The following ATL1 variants were observed in gnomAD, a reference collection of about 807,000 sequenced individuals.
ATL1 encodes atlastin GTPase 1.
ATL1 carries 31 observed loss-of-function variants against 75.5 expected under a neutral mutation model. The ratio of observed to expected loss-of-function variants is 0.41; its 90% CI spans 0.31 to 0.55. The LOEUF (loss-of-function observed/expected upper bound fraction) is 0.55. Ranked by LOEUF, ATL1 falls within the 20% of genes least tolerant of loss-of-function variation. The pLI is 0.27. For missense variants in ATL1, 405 were observed against 662.6 expected (o/e 0.61, Z 4.27); for synonymous variants, 226 against 233.3 (o/e 0.97, Z 0.28).
chr14:50,592,929 A>AAAATAT lies in ATL1; in HGVS notation c.523-916_523-915insAATATA, dbSNP rs562590227. ...CTCCCGTCTCAAAAAAAAAAAAAAA[A>AAAATAT]ATATATATATATATATATGTGTGTG... is the stretch of plus-strand genomic sequence containing the variant. On this transcript the variant is annotated intron_variant, in intron 4 of 13. Transcript: ENST00000358385. Among the ~76,000 whole-genome samples the AAAATAT allele has an allele frequency of 9.7e-3, 1,104 of 113,742 alleles. 20 individuals carry two copies. Among genetic ancestry groups the AAAATAT allele is most frequent in the African/African-American group, 0.031 (889 of 28,466 alleles). 74.6% of individuals were successfully genotyped at this position (113,742 alleles called of 152,430 possible). A position where few individuals can be genotyped will look rare whatever the true frequency, so the allele number is the denominator to read the frequency against.
intron 6 of ATL1, among the ~76,000 whole-genome samples, chr14:50,610,539 G>C (rs962647110): frequency 1.3e-5 from 2 of 152,062 alleles, no homozygotes; most frequent in Admixed American, 1.3e-4. Flanking sequence ...AAGAGCTCAG[G>C]TATGGAGAAG....
intron 1 of ATL1, among the ~76,000 whole-genome samples, chr14:50,579,845 G>A (rs2039039920): frequency 6.6e-6 from 1 of 151,994 alleles, no homozygotes; most frequent in African/African-American, 2.4e-5. Context: ...ACAGAAATTG[G>A]CAAATGTCAC....
intron 1 of ATL1, among the ~76,000 whole-genome samples, chr14:50,581,859 A>C (rs1355714235): frequency 6.6e-6 from 1 of 152,212 alleles, no homozygotes; most frequent in Non-Finnish European, 1.5e-5. Context: ...CTGCATATTT[A>C]CTGATTTTTG....
intron 1 of ATL1, among the ~76,000 whole-genome samples, chr14:50,554,313 A>C (rs2038739234): frequency 6.6e-6 from 1 of 152,304 alleles, no homozygotes; most frequent in Non-Finnish European, 1.5e-5. Flanking sequence ...ACGTTTTGCT[A>C]ACAGGCATCA....
upstream of ATL1, among the ~76,000 whole-genome samples, chr14:50,556,256 G>T (rs753053645): frequency 6.6e-6 from 1 of 152,100 alleles, no homozygotes; most frequent in Non-Finnish European, 1.5e-5. Context: ...TTGAGACAGG[G>T]TCTTGCTCTG....
chr14:50,570,051 A>G (rs986668030), intron 1 of ATL1, among the ~76,000 whole-genome samples: 1 of 152,188 alleles, frequency 6.6e-6, no homozygotes, highest in Non-Finnish European at 1.5e-5. Context: ...CATCCTACTT[A>G]GAATTTGCTG....
intron 6 of ATL1, among the ~76,000 whole-genome samples, chr14:50,603,568 C>T (rs554854880): frequency 6.6e-6 from 1 of 152,152 alleles, no homozygotes; most frequent in Non-Finnish European, 1.5e-5. Context: ...CTACACAGGA[C>T]AATTAGGAAT....
At chr14:50,599,343 T>G (rs1333935077) in intron 6 of ATL1, among the ~76,000 whole-genome samples, 1 of 152,080 alleles carries the variant, frequency 6.6e-6, no homozygotes, top group Non-Finnish European at 1.5e-5. Flanking sequence ...GATAATTAGA[T>G]AAATATTAAA....
At chr14:50,557,709 T>A (rs1595577529), upstream of ATL1, among the ~76,000 whole-genome samples, 1 of 152,234 alleles carries the variant, frequency 6.6e-6, no homozygotes, top group South Asian at 2.1e-4. Context: ...ATTAAACTTA[T>A]GATTAAAAAG....
rs1411283009 is a variant in ATL1, at chr14:50,602,254, C to CTG, written c.630+6631_630+6632dup. On this transcript the variant is annotated intron_variant, in intron 6 of 13. Coordinates refer to ENST00000358385, the MANE Select transcript of ATL1 (RefSeq NM_015915.5). Reference sequence around the variant, plus strand: ...TCCACTTGTATGACTCTGAGGAGCTCTGTGTGTGTGCTTGTCACTCTTGTC... The same window carrying CTG: ...TCCACTTGTATGACTCTGAGGAGCTCTGTGTGTGTGTGCTTGTCACTCTTGTC... Among the ~76,000 whole-genome samples, 5 of 152,256 alleles carry CTG rather than the reference C, an allele frequency of 3.3e-5. No individual in the cohort carries two copies. In the East Asian group the frequency reaches 9.7e-4, roughly 29 times the overall value.
Position 50,616,373 on chromosome 14 carries a change from T to C in ATL1, c.862+1862T>C, listed in dbSNP as rs137966201. 3.3e-3 allele frequency among the ~76,000 whole-genome samples: 506 copies of C among 152,298 alleles called. 4 individuals are homozygous for C. Among genetic ancestry groups the C allele is most frequent in the Admixed American group, 0.012 (182 of 15,288 alleles). Reference sequence around the variant, plus strand: ...GTGCAGCGGTGTGAACATAGCTCACTGCAGCCTTGAACTATTGAGCTCACA... The same window carrying C: ...GTGCAGCGGTGTGAACATAGCTCACCGCAGCCTTGAACTATTGAGCTCACA... On this transcript the variant is annotated intron_variant, in intron 8 of 13. Coordinates refer to ENST00000358385, the MANE Select transcript of ATL1 (RefSeq NM_015915.5).
At chr14:50,624,402 G>A (rs2039496978) in intron 11 of ATL1, among the ~76,000 whole-genome samples, 2 of 151,986 alleles carry the variant, frequency 1.3e-5, no homozygotes, top group South Asian at 4.2e-4. Context: ...TGTGATCAGT[G>A]AGTGCTGATG....
At chr14:50,608,195 A>G (rs1197871542) in intron 6 of ATL1, among the ~76,000 whole-genome samples, 1 of 152,048 alleles carries the variant, frequency 6.6e-6, no homozygotes, top group Non-Finnish European at 1.5e-5. Context: ...CTCTACCTAT[A>G]TTCATACGTG....
chr14:50,621,780 C>T, intron 9 of ATL1, 63 bp from the exon 10 acceptor site: 1 of 1,035,674 alleles, frequency 9.7e-7, no homozygotes, highest in Non-Finnish European at 1.5e-6. Context: ...AATGCAATTT[C>T]ATAGAATTAG....
Position 50,620,721 on chromosome 14 carries a change from T to C in ATL1, c.985T>C (p.Phe329Leu). Residue 329 changes from phenylalanine (F) to leucine (L), a missense_variant, in exon 9 of 14, where the codon TTC becomes CTC. By Grantham distance (22) the Phe-to-Leu change is conservative. Around this residue, in one of 5 missense-constraint regions of ATL1, gnomAD observed 56 missense variants for 66.6 expected, o/e 0.84. Transcript: ENST00000358385. ...CACCTGCCGGGGTCTGGTGGAGTAC[T>C]TCAAGGTATCACTCTCATTTCTAGA... ...KITCRGLVEY[F>L]KAYIKIYQGE... 1 of 1,613,378 alleles carries C rather than the reference T, an allele frequency of 6.2e-7. No homozygotes were observed. Among genetic ancestry groups the C allele is most frequent in the Non-Finnish European group, 8.5e-7 (1 of 1,179,484 alleles).
chr14:50,541,890 C>A lies in ATL1; in HGVS notation c.-140+8523C>A, dbSNP rs1162289841. 2.0e-5 allele frequency among the ~76,000 whole-genome samples: 3 copies of A among 151,194 alleles called. No homozygotes were observed. The East Asian group carries it at 5.9e-4, about 30-fold the overall frequency. ...GGTGCGGTGGCGAGTGCCTGTAGTC[C>A]CAGCTACTTGGGAAGCTGAGGCAGG... On this transcript the variant is annotated intron_variant, in intron 1 of 13. Coordinates refer to the ATL1 transcript ENST00000441560.
chr14:50,617,060 C>G (rs1043693451), intron 8 of ATL1, among the ~76,000 whole-genome samples: 1 of 152,192 alleles, frequency 6.6e-6, no homozygotes, highest in African/African-American at 2.4e-5. Context: ...TTCTCATATA[C>G]TCTTTCACAC....
exon 1 of ATL1, chr14:50,533,280 C>G (rs1025580358): frequency 6.6e-5 from 10 of 152,072 alleles, no homozygotes; most frequent in Non-Finnish European, 1.5e-4. Context: ...CAGACTGGTT[C>G]TGGTTCTACC....
chr14:50,601,623 C>T (rs1394871226), intron 6 of ATL1, among the ~76,000 whole-genome samples: 3 of 152,116 alleles, frequency 2.0e-5, no homozygotes, highest in Non-Finnish European at 4.4e-5. Flanking sequence ...CTATGTAGCA[C>T]GCCCAGGAAG....
Sources: allele counts gnomAD v4.1 joint callset (sites outside exome capture counted in the v4.1 genomes callset), GRCh38; gene constraint gnomAD v4.1.1; regional missense constraint gnomAD v4.1.1; transcripts MANE v1.5; gene names NCBI Gene and HGNC (gene_info 2026-07-23, HGNC 2026-07-21).